The following TANC1 variants were observed in gnomAD, a reference collection of about 807,000 sequenced individuals.
TANC1 encodes the protein tetratricopeptide repeat, ankyrin repeat and coiled-coil containing 1, also known as protein TANC1.
Under a neutral mutation model 149.7 loss-of-function variants are expected in TANC1, and 77 were observed. That is an observed-to-expected ratio of 0.51 (90% CI 0.43 to 0.62). The LOEUF is 0.62. Among genes scored for constraint, TANC1 ranks in the 20% least tolerant of loss-of-function variants. The probability of loss-of-function intolerance (pLI) is 0.00; values close to 1 mark genes in which losing one functional copy is unlikely to be tolerated. For missense variants in TANC1, 1,985 were observed against 2,321.8 expected, an observed-to-expected ratio of 0.85 and a Z score of 2.98; for synonymous variants, 854 against 925.0, an observed-to-expected ratio of 0.92 and a Z score of 1.39.
chr2:159,132,784 G>A (rs1249337767), intron 4 of TANC1, among the ~76,000 whole-genome samples: 2 of 151,174 alleles, frequency 1.3e-5, no homozygotes, highest in Admixed American at 6.6e-5. Flanking sequence ...ATGAACCACC[G>A]TGCCAGGCCT....
chr2:158,976,734 A>C (rs1379080711), intron 1 of TANC1, among the ~76,000 whole-genome samples: 2 of 152,160 alleles, frequency 1.3e-5, no homozygotes, highest in Non-Finnish European at 1.5e-5. Context: ...TACAAAAATT[A>C]GCCAGGTGTG....
chr2:159,136,304 A>T lies in TANC1; in HGVS notation c.364+6A>T, dbSNP rs769432771. 1 of 1,509,100 alleles carries T rather than the reference A, an allele frequency of 6.6e-7. No individual in the cohort carries two copies. Among genetic ancestry groups the T allele is most frequent in the East Asian group, 2.2e-5 (1 of 44,450 alleles). 93.5% of individuals were successfully genotyped at this position (1,509,100 alleles called of 1,614,324 possible). ...AACAGAGCCTGATGAGCATGGTAAG[A>T]ATTTCAGTGATTTCCTTCCCCCTCT... On this transcript the variant is annotated splice_donor_region_variant and intron_variant, in intron 5 of 26. Coordinates refer to ENST00000263635, the MANE Select transcript of TANC1 (RefSeq NM_033394.3).
At chr2:159,049,761 G>A (rs2041335059) in intron 2 of TANC1, among the ~76,000 whole-genome samples, 1 of 152,198 alleles carries the variant, frequency 6.6e-6, no homozygotes, top group South Asian at 2.1e-4. Context: ...AACTAAAAAG[G>A]ATGGTGCTTT....
chr2:159,051,552 A>G (rs1003612548), intron 2 of TANC1, among the ~76,000 whole-genome samples: 9 of 152,178 alleles, frequency 5.9e-5, no homozygotes, highest in Non-Finnish European at 1.0e-4. Context: ...TAAGGCTTAA[A>G]CTTCATAGGT....
chr2:159,034,252 C>G (rs893391147), intron 2 of TANC1, among the ~76,000 whole-genome samples: 9 of 152,148 alleles, frequency 5.9e-5, no homozygotes, highest in African/African-American at 2.2e-4. Context: ...CCCACTCCAG[C>G]GATCATCACC....
chr2:159,051,945 G>A (rs1000208165), intron 2 of TANC1, among the ~76,000 whole-genome samples: 4 of 152,122 alleles, frequency 2.6e-5, no homozygotes, highest in Admixed American at 1.3e-4. Flanking sequence ...GTTTAAGTCC[G>A]TGTATTTTGG....
intron 1 of TANC1, among the ~76,000 whole-genome samples, chr2:158,969,633 G>T (rs1434658177): frequency 6.6e-6 from 1 of 152,246 alleles, no homozygotes; most frequent in African/African-American, 2.4e-5. Flanking sequence ...GCGGCTTTCC[G>T]GAACGCCTGG....
Position 159,230,250 on chromosome 2 carries a change from C to T in TANC1, c.4824C>T (p.Arg1608=), listed in dbSNP as rs1298413067. The change falls in exon 27 of 27, where the codon CGC becomes CGT. Residue 1608 remains arginine (R), a synonymous_variant. Coordinates refer to ENST00000263635, the MANE Select transcript of TANC1 (RefSeq NM_033394.3). This position sits in a 1 kb window ranked among gnomAD's most constrained non-coding sequence, Gnocchi z 4.4. ...GDRLGPSQNV[R]LQCGENGPAH... is the part of the protein sequence containing the mutation. ...GGCTGGGCCCCAGCCAGAATGTCCG[C>T]CTGCAGTGTGGTGAGAATGGCCCTG... 1.4e-5 allele frequency: 22 copies of T among 1,613,906 alleles called. No individual in the cohort carries two copies. The Admixed American group carries it at 3.7e-4, about 27-fold the overall frequency.
At chr2:159,035,540 T>A (rs1376360359) in intron 2 of TANC1, among the ~76,000 whole-genome samples, 1 of 152,254 alleles carries the variant, frequency 6.6e-6, no homozygotes, top group Non-Finnish European at 1.5e-5. Flanking sequence ...TAGTTTCTTT[T>A]CTGCGTCTGA....
chr2:159,038,976 G>C (rs763431466), intron 2 of TANC1, among the ~76,000 whole-genome samples: 1 of 152,098 alleles, frequency 6.6e-6, no homozygotes, highest in Non-Finnish European at 1.5e-5. Context: ...AATCCGTCTG[G>C]TCCTGGACTT....
chr2:159,194,558 G>A, intron 17 of TANC1, 65 bp downstream of exon 17: 20 of 1,364,766 alleles, frequency 1.5e-5, no homozygotes, highest in Non-Finnish European at 2.1e-5. Context: ...TGCTAGAATT[G>A]TTATTTGCTG....
At chr2:159,185,716 T>C (rs2150600747) in intron 14 of TANC1, 75 bp from the exon 15 acceptor site, 1 of 928,978 alleles carries the variant, frequency 1.1e-6, no homozygotes, top group Non-Finnish European at 1.7e-6. Flanking sequence ...AGGCAATGGG[T>C]GGTGAATTGA....
At chr2:159,126,431 TTC>T (rs2049463770) in intron 4 of TANC1, among the ~76,000 whole-genome samples, 1 of 152,196 alleles carries the variant, frequency 6.6e-6, no homozygotes, top group African/African-American at 2.4e-5. Context: ...GGCAGAGTGT[TTC>T]TGACATTTCC....
intron 2 of TANC1, chr2:159,060,040 A>G (rs2042130801): frequency 1.5e-6 from 1 of 683,948 alleles, no homozygotes; most frequent in Non-Finnish European, 1.8e-6. Flanking sequence ...CCCTGCTACC[A>G]CCACCACTTT....
chr2:159,024,442 T>C (rs2039084964), intron 2 of TANC1, among the ~76,000 whole-genome samples: 1 of 152,168 alleles, frequency 6.6e-6, no homozygotes, highest in Non-Finnish European at 1.5e-5. Context: ...AGGTACTCTA[T>C]GCCGCACTGT....
At chr2:159,041,537 C>A (rs915109773) in intron 2 of TANC1, among the ~76,000 whole-genome samples, 1 of 152,208 alleles carries the variant, frequency 6.6e-6, no homozygotes, top group Non-Finnish European at 1.5e-5. Context: ...AGCTCGATCT[C>A]GGACTGCTGT....
At chr2:159,052,898 T>G (rs933604326) in intron 2 of TANC1, among the ~76,000 whole-genome samples, 1 of 152,262 alleles carries the variant, frequency 6.6e-6, no homozygotes, top group Non-Finnish European at 1.5e-5. Flanking sequence ...TTAAGCATAC[T>G]TTAGTGTATC....
rs867785225 is a variant in TANC1, at chr2:159,210,632, T to C, written c.3245-6865T>C. Among the ~76,000 whole-genome samples the C allele has an allele frequency of 3.9e-5, 6 of 152,208 alleles. 1 individual carries two copies. The highest frequency in any genetic ancestry group is 3.4e-3 in the Middle Eastern group (1 of 294). ...ACCAGGCTGGAGTGCAGTGGCGAGA[T>C]CTCGGCTCACTGCAAGCTCTGCCTC... On this transcript the variant is annotated intron_variant, in intron 19 of 26. Transcript: ENST00000263635.
intron 4 of TANC1, among the ~76,000 whole-genome samples, chr2:159,124,402 C>T (rs375589301): frequency 2.6e-5 from 4 of 152,284 alleles, no homozygotes; most frequent in African/African-American, 9.6e-5. Flanking sequence ...TGGGGAGGGG[C>T]TGAGAATTTG....
Sources: allele counts gnomAD v4.1 joint callset (sites outside exome capture counted in the v4.1 genomes callset), GRCh38; gene constraint gnomAD v4.1.1; non-coding constraint Gnocchi (gnomAD v3.1); transcripts MANE v1.5; gene names NCBI Gene and HGNC (gene_info 2026-07-23, HGNC 2026-07-21).